Variants in DEF8 observed in about 807,000 individuals in gnomAD.
DEF8 encodes the protein differentially expressed in FDCP 8 homolog.
DEF8 carries 38 observed loss-of-function variants against 59.1 expected under a neutral mutation model. The observed-to-expected ratio is 0.64, with a 90% confidence interval of 0.50 to 0.84. The LOEUF (loss-of-function observed/expected upper bound fraction) is 0.84, where lower values mean the gene tolerates loss of function less well. Among genes scored for constraint, DEF8 ranks in the 40% least tolerant of loss-of-function variants. The pLI, the probability that DEF8 is intolerant of heterozygous loss-of-function variation, is 0.00. For missense variants in DEF8, 557 were observed against 615.2 expected (o/e 0.91, Z 1.00); for synonymous variants, 265 against 250.1 (o/e 1.06, Z -0.56).
At chr16:89,959,583 C>T (rs1284029230) in intron 6 of DEF8, among the ~76,000 whole-genome samples, 1 of 152,254 alleles carries the variant, frequency 6.6e-6, no homozygotes, top group Non-Finnish European at 1.5e-5. Flanking sequence ...CAAGCTCCAC[C>T]TCCCGGGTTC....
chr16:89,961,885 G>C (rs1252404845), intron 8 of DEF8, 21 bp downstream of exon 8: 3 of 1,595,516 alleles, frequency 1.9e-6, no homozygotes, highest in South Asian at 1.1e-5. Flanking sequence ...GAAGGTGGGG[G>C]CATCCCCCTG....
intron 4 of DEF8, 115 bp from the exon 5 acceptor site, chr16:89,957,395 TC>T: frequency 8.3e-7 from 1 of 1,201,140 alleles, no homozygotes; most frequent in East Asian, 2.6e-5. Flanking sequence ...GGGTTGAGTT[TC>T]CTTCTCTGGG....
intron 5 of DEF8, 83 bp downstream of exon 5, chr16:89,957,743 GCTCT>G: frequency 7.0e-7 from 1 of 1,434,174 alleles, no homozygotes. Flanking sequence ...CCAGCCTCTG[GCTCT>G]CTCTCAGGCG....
At chr16:89,958,716 C>G (rs113969209) in intron 5 of DEF8, among the ~76,000 whole-genome samples, 2 of 152,198 alleles carry the variant, frequency 1.3e-5, no homozygotes, top group African/African-American at 4.8e-5. Context: ...GCAGAGAGGC[C>G]GGGTCGCTCC....
chr16:89,957,034 G>A (rs970552445), intron 4 of DEF8: 7 of 154,906 alleles, frequency 4.5e-5, no homozygotes. Flanking sequence ...GCTGGGCCGT[G>A]AGCCCCCTGG....
rs367691162 is a variant in DEF8, at chr16:89,949,699, G to A, written c.-11+186G>A. 3.4e-6 allele frequency: 5 copies of A among 1,490,008 alleles called. No individual in the cohort carries two copies. The Admixed American group carries it at 6.2e-5, about 18-fold the overall frequency. 92.3% of individuals were successfully genotyped at this position (1,490,008 alleles called of 1,614,324 possible). On this transcript the variant is annotated intron_variant, in intron 2 of 12. Transcript: ENST00000563594. Reference sequence around the variant, plus strand: ...GGGTCCCTCCGTGCCCCGGAACCCCGCCGGCTTTCTTCGGCTTCCTTTCAT... The same window carrying A: ...GGGTCCCTCCGTGCCCCGGAACCCCACCGGCTTTCTTCGGCTTCCTTTCAT...
chr16:89,949,704 C>G, intron 2 of DEF8, 191 bp downstream of exon 2: 2 of 1,429,844 alleles, frequency 1.4e-6, no homozygotes, highest in Non-Finnish European at 1.9e-6. Context: ...ACCCCGCCGG[C>G]TTTCTTCGGC....
Position 89,967,433 on chromosome 16 carries a change from T to C in DEF8, c.*1470T>C. ...GGATGGTGTCCACTCCCCACTGTGG[T>C]GGCTTTAGGCAAGGTTCTTATTGTC... On this transcript the variant is annotated 3_prime_UTR_variant, in exon 13 of 13. Transcript: ENST00000563594. 2.5e-6 allele frequency: 1 copy of C among 398,684 alleles called. No homozygotes were observed. Among genetic ancestry groups the C allele is most frequent in the Non-Finnish European group, 4.4e-6 (1 of 226,090 alleles). 24.7% of individuals were successfully genotyped at this position (398,684 alleles called of 1,614,324 possible). A position where few individuals can be genotyped will look rare whatever the true frequency, so the allele number is the denominator to read the frequency against.
At chr16:89,965,805 G>T in intron 12 of DEF8, 56 bp from the exon 13 acceptor site, 1 of 1,200,922 alleles carries the variant, frequency 8.3e-7, no homozygotes, top group Non-Finnish European at 1.2e-6. Context: ...GACGCTTGGG[G>T]GGATTCAGTG....
chr16:89,964,041 TG>T, intron 10 of DEF8, 128 bp from the exon 11 acceptor site: 2 of 1,280,688 alleles, frequency 1.6e-6, no homozygotes, highest in Non-Finnish European at 2.3e-6. Context: ...ATTCTACTCC[TG>T]GGGCCCAGAC....
rs772063642 is a variant in DEF8, at chr16:89,964,138, T to C, written c.1003-32T>C. 3.1e-6 allele frequency: 5 copies of C among 1,613,680 alleles called. No homozygotes were observed. The East Asian group carries it at 8.9e-5, about 29-fold the overall frequency. On this transcript the variant is annotated intron_variant, in intron 10 of 12. Transcript: ENST00000563594. Reference sequence around the variant, plus strand: ...GGGCGGTGGGAGGGGCCCTCCCCGGTGCAGGGCGTCACGGCTGCTGGGACT... The same window carrying C: ...GGGCGGTGGGAGGGGCCCTCCCCGGCGCAGGGCGTCACGGCTGCTGGGACT...
At position 89,954,714 on chromosome 16, in the gene DEF8, C is replaced by T. The variant is rs1469017620; in HGVS notation, c.124+338C>T. ...AGCCGAGGGAACGTGCTCTGGGCGT[C>T]AGGGTGGCATGAGCTTTAGAAACTG... is the stretch of plus-strand genomic sequence containing the variant. On this transcript the variant is annotated intron_variant, in intron 3 of 12. Coordinates refer to ENST00000563594, the MANE Select transcript of DEF8 (RefSeq NM_001242818.2). The surrounding 1 kb of genome is among the most constrained non-coding windows in gnomAD (Gnocchi z 4.3). Among the ~76,000 whole-genome samples the T allele has an allele frequency of 6.6e-6, 1 of 152,178 alleles. No homozygotes were observed. Among genetic ancestry groups the T allele is most frequent in the Admixed American group, 6.5e-5 (1 of 15,286 alleles).
chr16:89,967,791 G>C lies in DEF8; in HGVS notation c.*1828G>C. 4.2e-6 allele frequency: 1 copy of C among 235,680 alleles called. No homozygotes were observed. The highest frequency in any genetic ancestry group is 8.3e-5 in the East Asian group (1 of 11,998). The allele number at this position is 235,680 out of a possible 1,614,324, so 14.6% of individuals were successfully genotyped here. ...CTGTGTCCATAGAAAAACTGTGCTG[G>C]TATTTGCTGGACAAAGGGTTGGGCC... On this transcript the variant is annotated 3_prime_UTR_variant, in exon 13 of 13. Coordinates refer to ENST00000563594, the MANE Select transcript of DEF8 (RefSeq NM_001242818.2).
chr16:89,949,922 G>A, intron 2 of DEF8: 1 of 758,706 alleles, frequency 1.3e-6, no homozygotes, highest in Non-Finnish European at 1.8e-6. Context: ...CGGCCACTGT[G>A]GCCGGCATCC....
chr16:89,962,153 G>C, intron 9 of DEF8, 28 bp downstream of exon 9: 1 of 1,593,632 alleles, frequency 6.3e-7, no homozygotes, highest in Non-Finnish European at 8.6e-7. Flanking sequence ...GAAGTGGGGG[G>C]CGGGGGCGCT....
intron 2 of DEF8, chr16:89,950,277 G>A (rs1482101216): frequency 1.1e-5 from 11 of 985,396 alleles, no homozygotes; most frequent in Non-Finnish European, 1.3e-5. Flanking sequence ...CTGGGCTCCT[G>A]GCTTCACTGA....
intron 9 of DEF8, 30 bp downstream of exon 9, chr16:89,962,155 G>A (rs1415938396): frequency 3.8e-6 from 6 of 1,589,108 alleles, no homozygotes; most frequent in Middle Eastern, 1.7e-4. Flanking sequence ...AGTGGGGGGC[G>A]GGGGCGCTGT....
rs915818345 is a variant in DEF8, at chr16:89,954,095, G to T, written c.-10-148G>T. 3 of 802,594 alleles carry T rather than the reference G, an allele frequency of 3.7e-6. No homozygotes were observed. In the Admixed American group the frequency reaches 8.7e-5, roughly 23 times the overall value. 49.7% of individuals were successfully genotyped at this position (802,594 alleles called of 1,614,324 possible). ...TGAGGTGTTTCAGGAAAAGGCTGAA[G>T]ATCAAGGCTGTGGTGTGAGGACTAC... On this transcript the variant is annotated intron_variant, in intron 2 of 12. Coordinates refer to ENST00000563594, the MANE Select transcript of DEF8 (RefSeq NM_001242818.2). This position sits in a 1 kb window ranked among gnomAD's most constrained non-coding sequence, Gnocchi z 4.3.
At chr16:89,961,204 G>A in intron 7 of DEF8, 109 bp downstream of exon 7, 1 of 1,386,458 alleles carries the variant, frequency 7.2e-7, no homozygotes. Flanking sequence ...AGGCCCTGGG[G>A]CAGTGCCTGC....
Sources: gnomAD v4.1 joint callset for allele counts (sites outside exome capture counted in the v4.1 genomes callset) on GRCh38, gnomAD v4.1.1 for gene constraint, Gnocchi (gnomAD v3.1) non-coding constraint, MANE v1.5 for transcripts, NCBI Gene and HGNC (gene_info 2026-07-23, HGNC 2026-07-21) for gene names.